The following H2BC18 variants were observed in gnomAD, a reference collection of about 807,000 sequenced individuals.
H2BC18 encodes H2B clustered histone 18, also known as histone H2B type 2-F.
In H2BC18, 8 loss-of-function variants were observed where a neutral mutation model predicts 6.3. That is an observed-to-expected ratio of 1.28 (90% CI 0.75 to 2.31). The LOEUF (loss-of-function observed/expected upper bound fraction) is 2.31. Among genes scored for constraint, H2BC18 ranks in the 30% most tolerant of loss-of-function variants. The probability of loss-of-function intolerance (pLI) is 0.00; values close to 1 mark genes in which losing one functional copy is unlikely to be tolerated. For synonymous variants in H2BC18, 104 were observed against 78.1 expected (o/e 1.33, Z -1.75); for missense variants, 106 against 174.5 (o/e 0.61, Z 2.21).
At chr1:149,788,215 A>T in intron 1 of H2BC18, 1 of 1,540,946 alleles carries the variant, frequency 6.5e-7, no homozygotes, top group South Asian at 1.2e-5. Flanking sequence ...AAAGCTAAAG[A>T]TATTTGAGGA....
chr1:149,796,037 CTTT>C (rs1241526669), intron 1 of H2BC18, among the ~76,000 whole-genome samples: 10 of 151,784 alleles, frequency 6.6e-5, no homozygotes, highest in African/African-American at 2.4e-4. Context: ...GTACAGACTT[CTTT>C]GTTAATGCAC....
chr1:149,786,883 T>C (rs587768707), intron 1 of H2BC18: 2 of 152,330 alleles, frequency 1.3e-5, no homozygotes, highest in South Asian at 2.1e-4. Context: ...AGTTCATTAG[T>C]ATTTGTTGAA....
intron 1 of H2BC18, among the ~76,000 whole-genome samples, chr1:149,796,092 T>C (rs1553752754): frequency 6.6e-6 from 1 of 151,714 alleles, no homozygotes; most frequent in Non-Finnish European, 1.5e-5. Flanking sequence ...CTTGCTGTCC[T>C]TCTCTCTTTA....
At chr1:149,803,278 G>A (rs1252695000) in intron 1 of H2BC18, among the ~76,000 whole-genome samples, 1 of 151,994 alleles carries the variant, frequency 6.6e-6, no homozygotes, top group African/African-American at 2.4e-5. Context: ...TTGCAAAGGT[G>A]GGTGTGGGGA....
downstream of H2BC18, chr1:149,810,373 C>G (rs868995316): frequency 7.3e-5 from 11 of 151,190 alleles, no homozygotes; most frequent in African/African-American, 2.7e-4. Flanking sequence ...AACTGGGAAT[C>G]TTTATTTTCT....
At chr1:149,806,942 TGAG>T (rs1389484610), downstream of H2BC18, among the ~76,000 whole-genome samples, 1 of 151,938 alleles carries the variant, frequency 6.6e-6, no homozygotes, top group Admixed American at 6.6e-5. Flanking sequence ...GGTTTTCTGT[TGAG>T]GAGGAGTATG....
rs1470305526 is a variant in H2BC18 at position 149,791,157 on chromosome 1, C to A, written c.378-7897G>T. The A allele has an allele frequency of 1.0e-5, 16 of 1,603,788 alleles. No homozygotes were observed. The African/African-American group carries it at 2.1e-4, about 21-fold the overall frequency. On this transcript the variant is annotated intron_variant, in intron 1 of 1. Transcript: ENST00000545683. ...GACAGGCACATCAGGTCTCAGCCAA[C>A]CTTCCCTTCCAAACATAACTCAGCT...
chr1:149,802,659 G>T (rs1277702236), intron 1 of H2BC18, among the ~76,000 whole-genome samples: 10 of 152,204 alleles, frequency 6.6e-5, no homozygotes, highest in Non-Finnish European at 1.2e-4. Flanking sequence ...GAAGAAAGAA[G>T]CCAGTAGTGG....
chr1:149,811,536 C>T (rs2101504830), downstream of H2BC18: 1 of 219,078 alleles, frequency 4.6e-6, no homozygotes, highest in Non-Finnish European at 9.4e-6. Context: ...GGTTTCTCAT[C>T]TGTATGGGAA....
downstream of H2BC18, chr1:149,810,853 C>T (rs2091964972): frequency 6.6e-6 from 1 of 152,218 alleles, no homozygotes; most frequent in African/African-American, 2.4e-5. Flanking sequence ...AAACCAACCA[C>T]CTCGTCAGGT....
chr1:149,794,028 C>G (rs1256410442), intron 1 of H2BC18: 1 of 685,526 alleles, frequency 1.5e-6, no homozygotes, highest in Non-Finnish European at 2.3e-6. Flanking sequence ...TGACAGCTGG[C>G]TGGGAGGGGG....
chr1:149,785,557 G>T (rs1244713936), intron 1 of H2BC18: 1 of 151,454 alleles, frequency 6.6e-6, no homozygotes, highest in Non-Finnish European at 1.5e-5. Flanking sequence ...GTGTTTCATG[G>T]TTCAAGTGAC....
intron 1 of H2BC18, among the ~76,000 whole-genome samples, chr1:149,797,322 G>C (rs2091811098): frequency 6.6e-6 from 1 of 151,468 alleles, no homozygotes. Flanking sequence ...CTCAACTTTG[G>C]TAATTTGTAT....
At chr1:149,795,363 T>TA (rs1378137675) in intron 1 of H2BC18, among the ~76,000 whole-genome samples, 2 of 143,252 alleles carry the variant, frequency 1.4e-5, no homozygotes, top group Admixed American at 7.0e-5. Flanking sequence ...GTACTGCATT[T>TA]ATTCACTCCA....
intron 1 of H2BC18, chr1:149,791,937 A>AGTAT (rs1490240677): frequency 5.4e-6 from 1 of 185,934 alleles, no homozygotes; most frequent in African/African-American, 3.2e-5. Flanking sequence ...TATAGACAAT[A>AGTAT]AGGAAGGAAA....
rs1553754683 is a variant in H2BC18, at chr1:149,812,351, T to C, written c.-28A>G. The C allele has an allele frequency of 3.1e-6, 5 of 1,613,902 alleles. No homozygotes were observed. In the Admixed American group the frequency reaches 6.7e-5, roughly 22 times the overall value. The stretch of plus-strand genomic sequence containing the variant: ...TTGCGCGAAAAAAGAGAAAAGAGAC[T>C]TAAAGAAGTAATCCGAACTACCGCA... On this transcript the variant is annotated 5_prime_UTR_variant, in exon 1 of 1. Coordinates refer to ENST00000369167, the MANE Select transcript of H2BC18 (RefSeq NM_001024599.5).
At chr1:149,807,729 G>T (rs1359598037), downstream of H2BC18, among the ~76,000 whole-genome samples, 2 of 151,738 alleles carry the variant, frequency 1.3e-5, no homozygotes, top group Non-Finnish European at 2.9e-5. Flanking sequence ...GCTTGAACCC[G>T]AGAGGCAAAG....
intron 1 of H2BC18, among the ~76,000 whole-genome samples, chr1:149,802,124 G>C (rs1169892773): frequency 3.3e-5 from 5 of 152,046 alleles, no homozygotes; most frequent in African/African-American, 9.7e-5. Flanking sequence ...GCAGGCGGGA[G>C]TTATTTAAGA....
At chr1:149,800,011 C>G (rs1384182689) in intron 1 of H2BC18, among the ~76,000 whole-genome samples, 1 of 151,968 alleles carries the variant, frequency 6.6e-6, no homozygotes, top group African/African-American at 2.4e-5. Context: ...AGACTGCCCC[C>G]ACTTCAAATG....
Sources: allele counts gnomAD v4.1 joint callset (sites outside exome capture counted in the v4.1 genomes callset), GRCh38; gene constraint gnomAD v4.1.1; transcripts MANE v1.5; gene names NCBI Gene and HGNC (gene_info 2026-07-23, HGNC 2026-07-21).